Variants in AFG2A observed in about 807,000 individuals in gnomAD.
The protein encoded by AFG2A is AAA ATPase AFG2A.
chr4:123,088,017 C>G, the AFG2A span, among the ~76,000 whole-genome samples: 2 of 152,172 alleles, frequency 1.3e-5, no homozygotes, highest in Non-Finnish European at 2.9e-5. Flanking sequence ...TAGGTCATGT[C>G]TCTAGTTGAA....
the AFG2A span, among the ~76,000 whole-genome samples, chr4:123,009,730 G>A: frequency 3.3e-5 from 5 of 152,162 alleles, no homozygotes; most frequent in East Asian, 1.9e-4. Flanking sequence ...GTTTTCTTAC[G>A]GTTTGACTGG....
the AFG2A span, among the ~76,000 whole-genome samples, chr4:123,164,450 G>A: frequency 2.6e-5 from 4 of 152,088 alleles, no homozygotes; most frequent in South Asian, 2.1e-4. Context: ...TACAACCTCC[G>A]CCTCTTGGGT....
chr4:123,130,041 C>T, the AFG2A span, among the ~76,000 whole-genome samples: 2 of 151,976 alleles, frequency 1.3e-5, no homozygotes, highest in Non-Finnish European at 2.9e-5. Context: ...TAGGGTCTTA[C>T]TCTGTTGCCC....
chr4:123,249,193 T>C, the AFG2A span, among the ~76,000 whole-genome samples: 1 of 152,144 alleles, frequency 6.6e-6, no homozygotes, highest in African/African-American at 2.4e-5. Context: ...AAGCTGAGAC[T>C]TGAACAAGAA....
chr4:123,022,367 G>A, the AFG2A span, among the ~76,000 whole-genome samples: 3 of 152,136 alleles, frequency 2.0e-5, no homozygotes, highest in African/African-American at 7.2e-5. Flanking sequence ...ATCAAAAAGT[G>A]GGCAAAGGAT....
chr4:123,157,647 G>A, the AFG2A span, among the ~76,000 whole-genome samples: 18 of 152,110 alleles, frequency 1.2e-4, no homozygotes, highest in East Asian at 1.3e-3. Flanking sequence ...GAGCGTGTTC[G>A]GGGTGGTATG....
chr4:123,035,330 A>G, the AFG2A span, among the ~76,000 whole-genome samples: 1 of 150,640 alleles, frequency 6.6e-6, no homozygotes, highest in Admixed American at 6.6e-5. Flanking sequence ...AGAGTCTGAA[A>G]CCTTTTGAGT....
chr4:123,227,968 G>A, the AFG2A span, among the ~76,000 whole-genome samples: 4 of 152,078 alleles, frequency 2.6e-5, no homozygotes, highest in South Asian at 8.3e-4. Context: ...TTATGTAATG[G>A]CCTTCTTTGT....
chr4:123,223,917 G>C, the AFG2A span, among the ~76,000 whole-genome samples: 2 of 152,102 alleles, frequency 1.3e-5, no homozygotes, highest in Non-Finnish European at 2.9e-5. Flanking sequence ...AAACTTTTTA[G>C]TTTGATACAG....
the AFG2A span, among the ~76,000 whole-genome samples, chr4:123,053,372 C>T: frequency 6.6e-6 from 1 of 152,214 alleles, no homozygotes; most frequent in Non-Finnish European, 1.5e-5. Context: ...AGAAGACTGT[C>T]CCAATCACCC....
At chr4:123,117,474 G>A in the AFG2A span, among the ~76,000 whole-genome samples, 2 of 146,376 alleles carry the variant, frequency 1.4e-5, no homozygotes, top group Admixed American at 1.4e-4. Flanking sequence ...ATAATCATGT[G>A]GAGTTAGCAT....
At chr4:123,195,121 C>A in the AFG2A span, among the ~76,000 whole-genome samples, 1 of 152,116 alleles carries the variant, frequency 6.6e-6, no homozygotes, top group African/African-American at 2.4e-5. Flanking sequence ...TCTCTCATCA[C>A]TAAGACAACA....
the AFG2A span, among the ~76,000 whole-genome samples, chr4:123,178,313 G>A: frequency 3.9e-5 from 6 of 152,156 alleles, no homozygotes; most frequent in East Asian, 1.9e-4. Context: ...CTCTGTAGCC[G>A]ACATTAATTT....
At chr4:122,925,790 C>T in the AFG2A span, among the ~76,000 whole-genome samples, 1 of 152,180 alleles carries the variant, frequency 6.6e-6, no homozygotes, top group Non-Finnish European at 1.5e-5. Flanking sequence ...ATAACTCACT[C>T]ATCCTACAAG....
chr4:123,034,905 C>G, the AFG2A span, among the ~76,000 whole-genome samples: 18 of 152,122 alleles, frequency 1.2e-4, no homozygotes, highest in African/African-American at 4.1e-4. Flanking sequence ...CTGCAGTGAA[C>G]AGGATGCATG....
At chr4:123,127,156 A>T in the AFG2A span, among the ~76,000 whole-genome samples, 2 of 152,182 alleles carry the variant, frequency 1.3e-5, no homozygotes, top group African/African-American at 4.8e-5. Context: ...GTGATCCGTG[A>T]TCTTGCCACT....
the AFG2A span, among the ~76,000 whole-genome samples, chr4:123,007,115 G>C: frequency 2.0e-5 from 3 of 151,814 alleles, no homozygotes; most frequent in Admixed American, 6.6e-5. Flanking sequence ...ATATTTTTGA[G>C]TGTAATTTTG....
At chr4:123,253,211 G>A in the AFG2A span, among the ~76,000 whole-genome samples, 3,337 of 151,980 alleles carry the variant, frequency 0.022, 64 homozygotes, top group Non-Finnish European at 0.035. Context: ...GGCTGGGCAC[G>A]GTGGCTCAAG....
chr4:123,064,702 C>T, the AFG2A span, among the ~76,000 whole-genome samples: 1 of 152,152 alleles, frequency 6.6e-6, no homozygotes, highest in Non-Finnish European at 1.5e-5. Flanking sequence ...CTTCTATTGT[C>T]CAGGACATTT....
Sources: gnomAD v4.1 joint callset for allele counts (sites outside exome capture counted in the v4.1 genomes callset) on GRCh38, gnomAD v4.1.1 for gene constraint, MANE v1.5 for transcripts, NCBI Gene and HGNC (gene_info 2026-07-23, HGNC 2026-07-21) for gene names.